CALHM4: variants seen among roughly 807,000 people sequenced by gnomAD.
CALHM4 encodes calcium homeostasis modulator protein 4.
CALHM4 carries 16 observed loss-of-function variants against 13.3 expected under a neutral mutation model. The observed-to-expected ratio is 1.20, with a 90% CI of 0.81 to 1.82. CALHM4 has a LOEUF of 1.82. Among genes scored for constraint, CALHM4 ranks in the 40% most tolerant of loss-of-function variants. CALHM4 has a pLI of 0.00. For missense variants in CALHM4, 344 were observed against 374.9 expected (o/e 0.92, Z 0.68); for synonymous variants, 127 against 137.1 (o/e 0.93, Z 0.52).
intron 2 of CALHM4, among the ~76,000 whole-genome samples, chr6:116,548,107 TG>T (rs775651194): frequency 6.6e-6 from 1 of 152,196 alleles, no homozygotes; most frequent in Non-Finnish European, 1.5e-5. Context: ...TTTTAAGAGT[TG>T]GGGCCTTTGG....
At position 116,558,049 on chromosome 6, in the gene CALHM4, C is replaced by CA. The variant is rs1255360077; in HGVS notation, c.786dup (p.His263ThrfsTer23). The CA allele has an allele frequency of 6.2e-7, 1 of 1,614,156 alleles. No homozygotes were observed. Among genetic ancestry groups the CA allele is most frequent in the Non-Finnish European group, 8.5e-7 (1 of 1,180,016 alleles). ...GCTTCATTCCCGGGAGTGAAGACGT[C>CA]AAACACATCCGCATTCCTTCTTGTC... is the stretch of plus-strand genomic sequence containing the variant. On this transcript the variant is annotated frameshift_variant, in exon 2 of 2. Coordinates refer to ENST00000368596, the MANE Select transcript of CALHM4 (RefSeq NM_001366078.2). LOFTEE classifies it high-confidence loss of function.
chr6:116,536,632 C>G (rs1773110957), intron 1 of CALHM4, among the ~76,000 whole-genome samples: 1 of 152,190 alleles, frequency 6.6e-6, no homozygotes, highest in Non-Finnish European at 1.5e-5. Flanking sequence ...CTCTTTCCTT[C>G]CCTGGAGACA....
intron 1 of CALHM4, among the ~76,000 whole-genome samples, chr6:116,542,100 A>G (rs1773499485): frequency 6.6e-6 from 1 of 152,174 alleles, no homozygotes; most frequent in Non-Finnish European, 1.5e-5. Flanking sequence ...TGCAAGTTTA[A>G]CATAAGTCAA....
chr6:116,551,741 C>T (rs149670322), upstream of CALHM4, among the ~76,000 whole-genome samples: 632 of 152,216 alleles, frequency 4.2e-3, 5 homozygotes, highest in African/African-American at 0.014. Flanking sequence ...AGGAGACACA[C>T]GCTTATGTTA....
intron 1 of CALHM4, among the ~76,000 whole-genome samples, chr6:116,537,477 G>GT (rs939040225): frequency 2.6e-5 from 4 of 151,976 alleles, no homozygotes; most frequent in Non-Finnish European, 4.4e-5. Context: ...AACATTCTGG[G>GT]TTTTTTTCAT....
chr6:116,545,402 A>T (rs1420619347), intron 2 of CALHM4: 1 of 1,375,330 alleles, frequency 7.3e-7, no homozygotes, highest in East Asian at 2.5e-5. Flanking sequence ...CAGTTTTTAA[A>T]ATCAATCAGA....
At position 116,554,212 on chromosome 6, in the gene CALHM4, A is replaced by G. The variant is rs1259969634; in HGVS notation, c.419A>G (p.Asp140Gly). The stretch of plus-strand genomic sequence containing the variant: ...GCAGCAAGTGAATTTGCATCTGTGG[A>G]CCATTACCCAATGTTTGATAATGTC... ...ECAASEFASVDHYPMFDNVSA... is the reference protein window; with the variant it reads ...ECAASEFASVGHYPMFDNVSA... The change falls in exon 1 of 2, where the codon GAC (aspartate) becomes GGC (glycine). Residue 140 changes from aspartate (D) to glycine (G), a missense_variant. Transcript: ENST00000368596. 2.6e-6 allele frequency: 4 copies of G among 1,550,566 alleles called. No homozygotes were observed. Among genetic ancestry groups the G allele is most frequent in the South Asian group, 2.4e-5 (2 of 84,062 alleles).
chr6:116,558,343 A>C lies in CALHM4; in HGVS notation c.*132A>C. 2.8e-5 allele frequency: 29 copies of C among 1,035,638 alleles called. No homozygotes were observed. The highest frequency in any genetic ancestry group is 3.9e-5 in the South Asian group (2 of 51,126). The allele number at this position is 1,035,638 out of a possible 1,614,324, so 64.2% of individuals were successfully genotyped here. On this transcript the variant is annotated 3_prime_UTR_variant, in exon 2 of 2. Transcript: ENST00000368596. ...ATATTTGTTTACGTAAGTCCATCTC[A>C]AATATTATTTCTAAAATCAATCTAT...
chr6:116,560,550 A>G lies in CALHM4; in HGVS notation c.*2339A>G, dbSNP rs1404253340. Among the ~76,000 whole-genome samples, 7 of 151,394 alleles carry G rather than the reference A, an allele frequency of 4.6e-5. No homozygotes were observed. Among genetic ancestry groups the G allele is most frequent in the African/African-American group, 1.5e-4 (6 of 41,136 alleles). ...TCTACATGGCTTCAGAATGATTTAT[A>G]GCATCTATGTGAACATTTAAAAGGT... On this transcript the variant is annotated 3_prime_UTR_variant, in exon 2 of 2. Transcript: ENST00000368596.
intron 1 of CALHM4, among the ~76,000 whole-genome samples, chr6:116,539,448 GAATTTT>G (rs1373291578): frequency 6.6e-6 from 1 of 152,084 alleles, no homozygotes; most frequent in Non-Finnish European, 1.5e-5. Flanking sequence ...TTTTAATGTA[GAATTTT>G]TCCCCACATA....
At chr6:116,551,746 A>G (rs1185898448), upstream of CALHM4, among the ~76,000 whole-genome samples, 1 of 152,176 alleles carries the variant, frequency 6.6e-6, no homozygotes, top group Non-Finnish European at 1.5e-5. Flanking sequence ...ACACACGCTT[A>G]TGTTATATGG....
intron 1 of CALHM4, among the ~76,000 whole-genome samples, chr6:116,542,954 G>T (rs1381580919): frequency 6.6e-6 from 1 of 152,072 alleles, no homozygotes; most frequent in Middle Eastern, 3.4e-3. Flanking sequence ...TAGAACAAAA[G>T]ACTTCTGAAA....
intron 1 of CALHM4, among the ~76,000 whole-genome samples, chr6:116,533,283 G>A (rs372220653): frequency 1.4e-4 from 22 of 152,054 alleles, no homozygotes; most frequent in African/African-American, 4.8e-4. Flanking sequence ...GAAATTTGTA[G>A]GAAAAAAGAG....
chr6:116,535,841 T>A (rs1322891706), intron 1 of CALHM4, among the ~76,000 whole-genome samples: 1 of 152,188 alleles, frequency 6.6e-6, no homozygotes, highest in Non-Finnish European at 1.5e-5. Context: ...TAGAATAAGG[T>A]CAAAAGAATT....
upstream of CALHM4, among the ~76,000 whole-genome samples, chr6:116,550,547 G>A (rs1227748261): frequency 6.6e-6 from 1 of 152,138 alleles, no homozygotes; most frequent in African/African-American, 2.4e-5. Context: ...GCAGTGCCTA[G>A]TATCAGTAAC....
chr6:116,536,711 GGT>G (rs1773116663), intron 1 of CALHM4, among the ~76,000 whole-genome samples: 1 of 152,102 alleles, frequency 6.6e-6, no homozygotes, highest in Non-Finnish European at 1.5e-5. Flanking sequence ...GGATGATGAT[GGT>G]GTTCGGTAGA....
intron 1 of CALHM4, chr6:116,543,676 T>C: frequency 1.3e-6 from 1 of 750,762 alleles, no homozygotes; most frequent in Non-Finnish European, 2.2e-6. Context: ...TAACTTGCAA[T>C]GTATTTTCAT....
rs1774537038 is a variant in CALHM4, at chr6:116,560,517, T to C, written c.*2306T>C. Among the ~76,000 whole-genome samples, 1 of 152,148 alleles carries C rather than the reference T, an allele frequency of 6.6e-6. No individual in the cohort carries two copies. Among genetic ancestry groups the C allele is most frequent in the Non-Finnish European group, 1.5e-5 (1 of 68,010 alleles). On this transcript the variant is annotated 3_prime_UTR_variant, in exon 2 of 2. Transcript: ENST00000368596. ...TCTGGCAAAGGATTCTAAGTATTCG[T>C]TGGCTCTTCTACATGGCTTCAGAAT...
chr6:116,559,149 C>A lies in CALHM4; in HGVS notation c.*938C>A, dbSNP rs1377886025. Among the ~76,000 whole-genome samples the A allele has an allele frequency of 6.6e-6, 1 of 152,194 alleles. No individual in the cohort carries two copies. Among genetic ancestry groups the A allele is most frequent in the East Asian group, 1.9e-4 (1 of 5,196 alleles). ...TTGCTCTGCCTGGCTTTACTAAATG[C>A]AGCCTACAGTATCTGGACAATTTTC... On this transcript the variant is annotated 3_prime_UTR_variant, in exon 2 of 2. Coordinates refer to ENST00000368596, the MANE Select transcript of CALHM4 (RefSeq NM_001366078.2).
Sources: allele counts gnomAD v4.1 joint callset (sites outside exome capture counted in the v4.1 genomes callset), GRCh38; gene constraint gnomAD v4.1.1; transcripts MANE v1.5; gene names NCBI Gene and HGNC (gene_info 2026-07-23, HGNC 2026-07-21).